Variants in LRMDA observed in about 807,000 individuals in gnomAD.
The protein encoded by LRMDA is leucine-rich melanocyte differentiation-associated protein.
LRMDA carries 18 observed loss-of-function variants against 29.8 expected under a neutral mutation model. The ratio of observed to expected loss-of-function variants is 0.60; its 90% confidence interval spans 0.42 to 0.90. The LOEUF (loss-of-function observed/expected upper bound fraction) is 0.90. Among genes scored for constraint, LRMDA ranks in the 40% least tolerant of loss-of-function variants. The pLI, the probability that LRMDA is intolerant of heterozygous loss-of-function variation, is 0.00. For missense variants in LRMDA, 273 were observed against 273.9 expected (o/e 1.00, Z 0.02); for synonymous variants, 125 against 109.4 (o/e 1.14, Z -0.89).
chr10:76,371,682 A>C (rs888546035), intron 6 of LRMDA, among the ~76,000 whole-genome samples: 10 of 152,178 alleles, frequency 6.6e-5, no homozygotes, highest in Non-Finnish European at 1.5e-5. Flanking sequence ...AAGTGGGCTG[A>C]GTAACTTCTT....
intron 2 of LRMDA, among the ~76,000 whole-genome samples, chr10:75,876,793 A>G (rs1845205708): frequency 6.6e-6 from 1 of 152,200 alleles, no homozygotes; most frequent in Non-Finnish European, 1.5e-5. Flanking sequence ...AACTACGATT[A>G]AGTGCTTCCT....
Position 75,672,568 on chromosome 10 carries a change from TC to T in LRMDA, c.131+234077del, listed in dbSNP as rs1564536353. Reference sequence around the variant, plus strand: ...CCCCTCCCCTCCCCTCCCCTCCCCTTCCCTTCCCTTCCCTTCCCTGCTTTTT... The same window carrying T: ...CCCCTCCCCTCCCCTCCCCTCCCCTTCCTTCCCTTCCCTTCCCTGCTTTTT... On this transcript the variant is annotated intron_variant, in intron 2 of 6. Coordinates refer to ENST00000611255, the MANE Select transcript of LRMDA (RefSeq NM_001305581.2). Among the ~76,000 whole-genome samples, 3 of 2,848 alleles carry T rather than the reference TC, an allele frequency of 1.1e-3. 1 individual carries two copies. Among genetic ancestry groups the T allele is most frequent in the Admixed American group, 7.9e-3 (1 of 126 alleles). The allele number at this position is 2,848 out of a possible 152,430, so 1.9% of individuals were successfully genotyped here. A position where few individuals can be genotyped will look rare whatever the true frequency, so the allele number is the denominator to read the frequency against.
At chr10:76,044,650 G>A (rs573692928) in intron 3 of LRMDA, among the ~76,000 whole-genome samples, 9 of 152,056 alleles carry the variant, frequency 5.9e-5, no homozygotes, top group African/African-American at 1.7e-4. Flanking sequence ...CCACCCCTCT[G>A]TACTCCCAAC....
chr10:76,360,438 G>C (rs1488248710), intron 6 of LRMDA, among the ~76,000 whole-genome samples: 2 of 152,080 alleles, frequency 1.3e-5, no homozygotes, highest in Non-Finnish European at 2.9e-5. Context: ...AGTAGAGACA[G>C]GATGATTAAT....
At chr10:76,402,833 G>C (rs1841863589) in intron 6 of LRMDA, among the ~76,000 whole-genome samples, 1 of 152,120 alleles carries the variant, frequency 6.6e-6, no homozygotes, top group Non-Finnish European at 1.5e-5. Context: ...TGTCAACATA[G>C]CTATTCTGCA....
chr10:75,901,181 T>C (rs1845666097), intron 2 of LRMDA, among the ~76,000 whole-genome samples: 1 of 152,268 alleles, frequency 6.6e-6, no homozygotes, highest in South Asian at 2.1e-4. Context: ...ACTCCAGTGG[T>C]CTGGGAGTAG....
intron 2 of LRMDA, among the ~76,000 whole-genome samples, chr10:75,606,245 A>G (rs1246392809): frequency 1.3e-5 from 2 of 152,120 alleles, no homozygotes; most frequent in Admixed American, 6.5e-5. Flanking sequence ...CAGTCTTAAC[A>G]TGTGCTCTTG....
intron 5 of LRMDA, among the ~76,000 whole-genome samples, chr10:76,250,099 C>G (rs1852448436): frequency 6.6e-6 from 1 of 152,208 alleles, no homozygotes. Context: ...AGCCACCTCA[C>G]TGGGCCACAA....
chr10:75,784,212 T>C (rs906473680), intron 2 of LRMDA, among the ~76,000 whole-genome samples: 1 of 152,224 alleles, frequency 6.6e-6, no homozygotes, highest in South Asian at 2.1e-4. Context: ...TTAATGGCTA[T>C]GTGACTGCAG....
chr10:75,728,264 G>C (rs147533316), intron 2 of LRMDA, among the ~76,000 whole-genome samples: 2 of 152,258 alleles, frequency 1.3e-5, no homozygotes, highest in Admixed American at 6.5e-5. Context: ...CAGTAGAAAA[G>C]TGATCCCCAA....
Position 75,938,143 on chromosome 10 carries a change from G to A in LRMDA, c.132-97865G>A, listed in dbSNP as rs997788159. Among the ~76,000 whole-genome samples, 7 of 152,248 alleles carry A rather than the reference G, an allele frequency of 4.6e-5. No individual in the cohort carries two copies. The East Asian group carries it at 1.4e-3, about 29-fold the overall frequency. ...TCTCCTTTCCCAGGCTCTCTTGTTA[G>A]GTGAAATTTAAGGCAAAGGTAGATG... On this transcript the variant is annotated intron_variant, in intron 2 of 6. Transcript: ENST00000611255.
intron 2 of LRMDA, among the ~76,000 whole-genome samples, chr10:75,607,074 C>T (rs1480793987): frequency 6.6e-6 from 1 of 152,130 alleles, no homozygotes; most frequent in East Asian, 1.9e-4. Context: ...ATTTATGCAG[C>T]CACTTGAATT....
intron 2 of LRMDA, among the ~76,000 whole-genome samples, chr10:75,619,815 T>C (rs943049717): frequency 6.6e-6 from 1 of 152,202 alleles, no homozygotes; most frequent in Non-Finnish European, 1.5e-5. Flanking sequence ...CAGACTGCAC[T>C]CTGGTCATAG....
chr10:76,400,394 T>A (rs1250378682), intron 6 of LRMDA, among the ~76,000 whole-genome samples: 1 of 152,216 alleles, frequency 6.6e-6, no homozygotes, highest in African/African-American at 2.4e-5. Context: ...ACAGAAAGTG[T>A]GAGACAACAA....
At chr10:76,018,662 G>A (rs1352395885) in intron 2 of LRMDA, among the ~76,000 whole-genome samples, 1 of 150,436 alleles carries the variant, frequency 6.6e-6, no homozygotes, top group Non-Finnish European at 1.5e-5. Context: ...CTGCCTCCCG[G>A]GTTCAAGTGA....
At chr10:76,399,443 G>A (rs1295682142) in intron 6 of LRMDA, among the ~76,000 whole-genome samples, 2 of 152,152 alleles carry the variant, frequency 1.3e-5, no homozygotes, top group Admixed American at 1.3e-4. Flanking sequence ...AGTTGCCAGG[G>A]CATCCTCATT....
intron 5 of LRMDA, among the ~76,000 whole-genome samples, chr10:76,269,842 A>G (rs913447901): frequency 6.6e-6 from 1 of 152,204 alleles, no homozygotes; most frequent in Non-Finnish European, 1.5e-5. Context: ...TAAGTTCCTC[A>G]AGATTACATA....
intron 5 of LRMDA, among the ~76,000 whole-genome samples, chr10:76,212,389 T>C (rs1460317541): frequency 1.2e-4 from 18 of 152,152 alleles, no homozygotes; most frequent in Admixed American, 1.2e-3. Flanking sequence ...GCTAAGTTGT[T>C]GGGTCCATTT....
chr10:75,510,325 ACT>A (rs1845212078), intron 2 of LRMDA, among the ~76,000 whole-genome samples: 1 of 152,196 alleles, frequency 6.6e-6, no homozygotes, highest in Non-Finnish European at 1.5e-5. Context: ...GAACTGGCTG[ACT>A]CTGAATACCA....
Sources: allele counts gnomAD v4.1 joint callset (sites outside exome capture counted in the v4.1 genomes callset), GRCh38; gene constraint gnomAD v4.1.1; transcripts MANE v1.5; gene names NCBI Gene and HGNC (gene_info 2026-07-23, HGNC 2026-07-21).